Variants in NETO1 observed in about 807,000 individuals in gnomAD.
NETO1 encodes neuropilin and tolloid-like protein 1.
NETO1 carries 26 observed loss-of-function variants against 61.3 expected under a neutral mutation model. That is an observed-to-expected ratio of 0.42 (90% CI 0.31 to 0.59). The LOEUF (loss-of-function observed/expected upper bound fraction) is 0.59. Among genes scored for constraint, NETO1 ranks in the 20% least tolerant of loss-of-function variants. The probability of loss-of-function intolerance (pLI) is 0.12; values close to 1 mark genes in which losing one functional copy is unlikely to be tolerated. For missense variants in NETO1, 531 were observed against 662.8 expected (o/e 0.80, Z 2.18); for synonymous variants, 225 against 225.8 (o/e 1.00, Z 0.03).
chr18:72,768,195 A>G (rs1381938513), intron 7 of NETO1, among the ~76,000 whole-genome samples: 1 of 152,220 alleles, frequency 6.6e-6, no homozygotes, highest in Non-Finnish European at 1.5e-5. Context: ...AAACACATCT[A>G]TACTTGCCCA....
At chr18:72,766,285 G>A (rs2071157963) in intron 7 of NETO1, among the ~76,000 whole-genome samples, 1 of 148,252 alleles carries the variant, frequency 6.7e-6, no homozygotes, top group Non-Finnish European at 1.5e-5. Context: ...TTTAATTGTG[G>A]TACTCTACAC....
At chr18:72,783,936 A>G in intron 6 of NETO1, 30 bp from the exon 7 acceptor site, 1 of 1,480,206 alleles carries the variant, frequency 6.8e-7, no homozygotes, top group Non-Finnish European at 9.4e-7. Flanking sequence ...TAATTTCCAC[A>G]TATCAAAATA....
chr18:72,751,172 TC>T (rs2145081616), intron 8 of NETO1, among the ~76,000 whole-genome samples: 1 of 152,184 alleles, frequency 6.6e-6, no homozygotes, highest in South Asian at 2.1e-4. Flanking sequence ...ATGGACTCTT[TC>T]CCAAATGAAA....
intron 9 of NETO1, among the ~76,000 whole-genome samples, 185 bp downstream of exon 9, chr18:72,749,877 A>G (rs1376625511): frequency 6.6e-6 from 1 of 152,178 alleles, no homozygotes; most frequent in Non-Finnish European, 1.5e-5. Flanking sequence ...GTGCACATGT[A>G]TGAGGTTTAG....
chr18:72,789,055 G>A (rs17294876), intron 6 of NETO1, among the ~76,000 whole-genome samples: 12,223 of 152,050 alleles, frequency 0.08, 673 homozygotes, highest in Middle Eastern at 0.19. Flanking sequence ...AAAATATGTA[G>A]CCCAGGATTT....
At position 72,828,399 on chromosome 18, in the gene NETO1, T is replaced by C. The variant is rs188115225; in HGVS notation, c.469+30427A>G. On this transcript the variant is annotated intron_variant, in intron 4 of 10. Coordinates refer to ENST00000327305, the MANE Select transcript of NETO1 (RefSeq NM_138966.5). ...TAGCAGAAGCAACATACAATAAATC[T>C]TGGAGTTTGCAATTATCAAACACAG... Among the ~76,000 whole-genome samples the C allele has an allele frequency of 6.6e-5, 9 of 135,960 alleles. No individual in the cohort carries two copies. In the East Asian group the frequency reaches 1.6e-3, roughly 24 times the overall value. 89.2% of individuals were successfully genotyped at this position (135,960 alleles called of 152,430 possible). A position where few individuals can be genotyped will look rare whatever the true frequency, so the allele number is the denominator to read the frequency against.
At chr18:72,843,934 CTATTT>C (rs1435494834) in intron 4 of NETO1, among the ~76,000 whole-genome samples, 1 of 152,136 alleles carries the variant, frequency 6.6e-6, no homozygotes, top group African/African-American at 2.4e-5. Flanking sequence ...ATATAATGTT[CTATTT>C]TAATATGCGG....
intron 6 of NETO1, among the ~76,000 whole-genome samples, chr18:72,789,011 A>G (rs900502771): frequency 3.9e-5 from 6 of 152,180 alleles, no homozygotes; most frequent in Middle Eastern, 3.2e-3. Flanking sequence ...TTTCAATACT[A>G]CTAGACACCT....
intron 4 of NETO1, among the ~76,000 whole-genome samples, chr18:72,806,155 T>G (rs374011787): frequency 5.3e-5 from 8 of 152,162 alleles, no homozygotes; most frequent in East Asian, 3.9e-4. Context: ...TCCAAGCATA[T>G]GATCATATTT....
At chr18:72,847,096 T>A (rs2074112812) in intron 4 of NETO1, among the ~76,000 whole-genome samples, 1 of 152,234 alleles carries the variant, frequency 6.6e-6, no homozygotes, top group African/African-American at 2.4e-5. Flanking sequence ...TGCAAATTTC[T>A]GAAGAAAAGT....
intron 4 of NETO1, among the ~76,000 whole-genome samples, chr18:72,824,546 T>C (rs2073312791): frequency 6.6e-6 from 1 of 152,182 alleles, no homozygotes; most frequent in African/African-American, 2.4e-5. Flanking sequence ...TACTTGAGAC[T>C]AGAAGAGCAA....
Position 72,750,616 on chromosome 18 carries a change from C to G in NETO1, c.987G>C (p.Lys329Asn). 6.2e-7 allele frequency: 1 copy of G among 1,602,952 alleles called. No homozygotes were observed. The highest frequency in any genetic ancestry group is 8.5e-7 in the Non-Finnish European group (1 of 1,177,770). The change falls in exon 9 of 11, where the codon AAG (lysine) becomes AAC (asparagine). Residue 329 changes from lysine to asparagine, a missense_variant. Coordinates refer to ENST00000327305, the MANE Select transcript of NETO1 (RefSeq NM_138966.5). ...GCTGGTCCAGCAGGCTGGTTTTCCT[C>G]TTCTCTATAGGTTGGAGAGAGTGAA... The part of the protein sequence containing the change: ...YPWDENHCKE[K>N]RKTSLLDQLT...
At chr18:72,764,666 G>A (rs12966172) in intron 7 of NETO1, among the ~76,000 whole-genome samples, 45,867 of 151,962 alleles carry the variant, frequency 0.3, 8,073 homozygotes, top group South Asian at 0.41. Flanking sequence ...CCTACTTAAC[G>A]TCTCCATTTG....
At chr18:72,743,114 A>G (rs115281885), downstream of NETO1, among the ~76,000 whole-genome samples, 1,010 of 152,284 alleles carry the variant, frequency 6.6e-3, 11 homozygotes, top group African/African-American at 0.023. Context: ...AGATCTTAAA[A>G]TATTCTCCCT....
chr18:72,807,129 T>C (rs1355228540), intron 4 of NETO1, among the ~76,000 whole-genome samples: 1 of 152,228 alleles, frequency 6.6e-6, no homozygotes, highest in African/African-American at 2.4e-5. Flanking sequence ...AGCATTGCTC[T>C]AGTATAAAAT....
intron 6 of NETO1, among the ~76,000 whole-genome samples, chr18:72,791,544 C>T (rs2072118303): frequency 6.6e-6 from 1 of 152,192 alleles, no homozygotes; most frequent in South Asian, 2.1e-4. Context: ...CAGGCAGCTT[C>T]CCCTTTGGGT....
chr18:72,777,864 T>C (rs1175403472), intron 7 of NETO1, among the ~76,000 whole-genome samples: 1 of 152,156 alleles, frequency 6.6e-6, no homozygotes, highest in African/African-American at 2.4e-5. Flanking sequence ...TAGGTTGAAG[T>C]CACATATCCC....
chr18:72,842,533 T>C (rs770545457), intron 4 of NETO1, among the ~76,000 whole-genome samples: 4 of 152,180 alleles, frequency 2.6e-5, no homozygotes, highest in Non-Finnish European at 5.9e-5. Context: ...GGGACAATTA[T>C]TAATGTTGTA....
intron 4 of NETO1, among the ~76,000 whole-genome samples, chr18:72,846,642 AT>A (rs1008694539): frequency 8.0e-5 from 12 of 150,546 alleles, no homozygotes; most frequent in East Asian, 4.0e-4. Flanking sequence ...GCATATTTGT[AT>A]TTTTTTATAA....
Sources: allele counts gnomAD v4.1 joint callset (sites outside exome capture counted in the v4.1 genomes callset), GRCh38; gene constraint gnomAD v4.1.1; transcripts MANE v1.5; gene names NCBI Gene and HGNC (gene_info 2026-07-23, HGNC 2026-07-21).